Variants in AS3MT observed in about 807,000 individuals in gnomAD.
AS3MT encodes arsenite methyltransferase, also known as S-adenosyl-L-methionine:arsenic(III) methyltransferase.
A neutral mutation model predicts 45.3 loss-of-function variants in AS3MT; 47 were observed. The observed-to-expected ratio is 1.04, with a 90% confidence interval of 0.82 to 1.32. AS3MT has a LOEUF of 1.32. Among genes scored for constraint, AS3MT ranks in the 40% most tolerant of loss-of-function variants. The pLI is 0.00. For synonymous variants in AS3MT, 141 were observed against 152.8 expected (o/e 0.92, Z 0.57); for missense variants, 396 against 451.1 (o/e 0.88, Z 1.11).
chr10:102,892,508 G>T (rs1243645909), intron 10 of AS3MT, among the ~76,000 whole-genome samples: 1 of 152,004 alleles, frequency 6.6e-6, no homozygotes, highest in Non-Finnish European at 1.5e-5. Context: ...TGCCTCCTGG[G>T]TTATTATGTG....
intron 9 of AS3MT, among the ~76,000 whole-genome samples, chr10:102,888,851 C>CTATATA (rs553598133): frequency 3.2e-4 from 29 of 91,694 alleles, no homozygotes; most frequent in African/African-American, 1.2e-3. Context: ...TCATCAAACC[C>CTATATA]TATATATATA....
rs1844722917 is a variant in AS3MT at position 102,873,223 on chromosome 10, G to T, written c.448G>T (p.Asp150Tyr). ...GGCTGGAATCAAGAATGAGAGCCATGATATTGTTGTGTAGGTCTATATTCT... is the reference window on the plus strand; with the variant it reads ...GGCTGGAATCAAGAATGAGAGCCATTATATTGTTGTGTAGGTCTATATTCT... ...GEAGIKNESH[D>Y]IVVSNCVINL... Residue 150 changes from aspartate (D) to tyrosine (Y), a missense_variant, in exon 5 of 11, where the codon GAT becomes TAT. Transcript: ENST00000369880. The T allele has an allele frequency of 6.2e-7, 1 of 1,602,384 alleles. No individual in the cohort carries two copies. Among genetic ancestry groups the T allele is most frequent in the Non-Finnish European group, 8.5e-7 (1 of 1,176,844 alleles).
chr10:102,888,745 A>G (rs1424387440), intron 9 of AS3MT, among the ~76,000 whole-genome samples: 1 of 151,428 alleles, frequency 6.6e-6, no homozygotes, highest in Admixed American at 6.6e-5. Flanking sequence ...TGTTGGAAAC[A>G]TTCAAATTAT....
In AS3MT at chr10:102,878,541, T is replaced by C. The variant is rs1428417510; in HGVS notation, c.742+31T>C. On this transcript the variant is annotated intron_variant, in intron 8 of 10. Coordinates refer to ENST00000369880, the MANE Select transcript of AS3MT (RefSeq NM_020682.4). The stretch of plus-strand genomic sequence containing the variant: ...ATATGACAGACAGCAGGGACTATTA[T>C]AACTACAGCTTGAATGATTGAAATG... 3.7e-6 allele frequency: 6 copies of C among 1,608,964 alleles called. No individual in the cohort carries two copies. The African/African-American group carries it at 4.0e-5, about 11-fold the overall frequency.
chr10:102,872,328 A>G, intron 3 of AS3MT, 120 bp from the exon 4 acceptor site: 2 of 1,080,072 alleles, frequency 1.9e-6, no homozygotes, highest in Non-Finnish European at 2.7e-6. Context: ...TGAATGATGC[A>G]AGAAAGAAGG....
intron 10 of AS3MT, among the ~76,000 whole-genome samples, chr10:102,898,569 G>A (rs561653460): frequency 2.6e-5 from 4 of 151,778 alleles, no homozygotes; most frequent in Non-Finnish European, 5.9e-5. Context: ...CAGCCTCGGC[G>A]ACAAAGGGAG....
At position 102,896,997 on chromosome 10, in the gene AS3MT, T is replaced by C. The variant is rs574413876; in HGVS notation, c.1021-3596T>C. On this transcript the variant is annotated intron_variant, in intron 10 of 10. Transcript: ENST00000369880. ...ATATTTTGAAACTCCTGAGAGTTCA[T>C]TGATAAGGAAAGCTGCTGGTGAGAA... Among the ~76,000 whole-genome samples the C allele has an allele frequency of 1.6e-4, 25 of 152,304 alleles. No homozygotes were observed. In the East Asian group the frequency reaches 3.3e-3, roughly 20 times the overall value.
In AS3MT at chr10:102,900,609, C is replaced by T. The variant is rs924879665; in HGVS notation, c.1037C>T (p.Pro346Leu). The T allele has an allele frequency of 3.1e-6, 5 of 1,613,678 alleles. No homozygotes were observed. The Admixed American group carries it at 6.7e-5, about 22-fold the overall frequency. Residue 346 changes from proline to leucine, a missense_variant, in exon 11 of 11, where the codon CCA becomes CTA. Pro to Leu is a moderately conservative substitution (Grantham distance 98). Transcript: ENST00000369880. ...TTTTGACAGGATATAATCACAGATCCATTTAAGCTTGCAGAAGAGTCTGAC... is the reference window on the plus strand; with the variant it reads ...TTTTGACAGGATATAATCACAGATCTATTTAAGCTTGCAGAAGAGTCTGAC... ...ALELKDIITD[P>L]FKLAEESDSM... is the part of the protein sequence containing the mutation.
chr10:102,874,632 G>A lies in AS3MT; in HGVS notation c.499G>A (p.Val167Met), dbSNP rs780869263. Residue 167 changes from valine to methionine, a missense_variant, in exon 6 of 11, where the codon GTG (valine) becomes ATG (methionine). Coordinates refer to ENST00000369880, the MANE Select transcript of AS3MT (RefSeq NM_020682.4). ...VINLVPDKQQ[V>M]LQEAYRVLKH... ...TAACCTTGTGCCTGATAAACAACAA[G>A]TGCTTCAGGAGGCATATCGGGTGCT... 3 of 1,610,486 alleles carry A rather than the reference G, an allele frequency of 1.9e-6. No homozygotes were observed. The highest frequency in any genetic ancestry group is 1.1e-5 in the South Asian group (1 of 90,376).
chr10:102,886,405 A>C (rs1297174720), intron 9 of AS3MT, among the ~76,000 whole-genome samples: 6 of 149,090 alleles, frequency 4.0e-5, no homozygotes, highest in Admixed American at 3.4e-4. Flanking sequence ...GCTCACTGCA[A>C]CCTCCACCTC....
intron 10 of AS3MT, among the ~76,000 whole-genome samples, chr10:102,896,925 G>A (rs1428515514): frequency 6.6e-6 from 1 of 152,060 alleles, no homozygotes; most frequent in Non-Finnish European, 1.5e-5. Context: ...AGACAGATTT[G>A]GCTTTTGAGT....
At chr10:102,895,362 G>T (rs1845146835) in intron 10 of AS3MT, among the ~76,000 whole-genome samples, 1 of 151,734 alleles carries the variant, frequency 6.6e-6, no homozygotes, top group African/African-American at 2.4e-5. Flanking sequence ...ACCATGCCTG[G>T]CTAATTTTTT....
Position 102,874,652 on chromosome 10 carries a change from G to C in AS3MT, c.519G>C (p.Arg173=), listed in dbSNP as rs180674899. The C allele has an allele frequency of 1.1e-5, 17 of 1,607,244 alleles. No homozygotes were observed. Among genetic ancestry groups the C allele is most frequent in the Non-Finnish European group, 1.4e-5 (17 of 1,175,476 alleles). ...AACAAGTGCTTCAGGAGGCATATCG[G>C]GTGCTGAAGGTGAGGAGGAGAGTGA... is the stretch of plus-strand genomic sequence containing the variant. ...DKQQVLQEAY[R]VLKHGGELYF... Residue 173 remains arginine, a synonymous_variant, in exon 6 of 11, where the codon CGG becomes CGC. Coordinates refer to ENST00000369880, the MANE Select transcript of AS3MT (RefSeq NM_020682.4).
chr10:102,899,930 G>A (rs1398592423), intron 10 of AS3MT, among the ~76,000 whole-genome samples: 1 of 152,194 alleles, frequency 6.6e-6, no homozygotes, highest in East Asian at 1.9e-4. Context: ...GCCTCTCAAA[G>A]TGCTGGGATT....
At chr10:102,869,966 C>T in intron 2 of AS3MT, 118 bp from the exon 3 acceptor site, 1 of 1,561,854 alleles carries the variant, frequency 6.4e-7, no homozygotes, top group South Asian at 1.2e-5. Context: ...TAGGCTTCGA[C>T]CTTTCCAGGG....
chr10:102,869,705 C>T (rs1045701658), intron 1 of AS3MT, 100 bp from the exon 2 acceptor site: 2 of 1,609,826 alleles, frequency 1.2e-6, no homozygotes, highest in Non-Finnish European at 1.7e-6. Flanking sequence ...CTTTGTCCTC[C>T]CCTCACCCCT....
At chr10:102,875,432 G>A (rs913615103) in intron 6 of AS3MT, among the ~76,000 whole-genome samples, 9 of 143,738 alleles carry the variant, frequency 6.3e-5, no homozygotes, top group East Asian at 2.2e-4. Flanking sequence ...AGCCAGGATC[G>A]TGCCACTGCA....
chr10:102,870,304 A>G, intron 3 of AS3MT, 93 bp downstream of exon 3: 1 of 1,473,268 alleles, frequency 6.8e-7, no homozygotes, highest in South Asian at 1.2e-5. Flanking sequence ...ACCCGTAGCC[A>G]CCAACCCATC....
At chr10:102,895,853 G>A (rs1477005418) in intron 10 of AS3MT, among the ~76,000 whole-genome samples, 1 of 151,314 alleles carries the variant, frequency 6.6e-6, no homozygotes, top group African/African-American at 2.4e-5. Flanking sequence ...TTGGCTCACC[G>A]CAACCTCCGC....
Sources: gnomAD v4.1 joint callset for allele counts (sites outside exome capture counted in the v4.1 genomes callset) on GRCh38, gnomAD v4.1.1 for gene constraint, MANE v1.5 for transcripts, NCBI Gene and HGNC (gene_info 2026-07-23, HGNC 2026-07-21) for gene names.